The following RELN variants were observed in gnomAD, a reference collection of about 807,000 sequenced individuals.
The protein encoded by RELN is reelin.
In RELN, 108 loss-of-function variants were observed where a neutral mutation model predicts 427.6. The ratio of observed to expected loss-of-function variants is 0.25; its 90% confidence interval spans 0.22 to 0.30. The LOEUF is 0.30. RELN is among the 10% of genes least tolerant of loss of function. The pLI, the probability that RELN is intolerant of heterozygous loss-of-function variation, is 1.00. For missense variants in RELN, 3,715 were observed against 4,302.8 expected, an observed-to-expected ratio of 0.86 and a Z score of 3.82; for synonymous variants, 1,524 against 1,513.4, an observed-to-expected ratio of 1.01 and a Z score of -0.16.
chr7:103,989,356 T>TGCTGCC lies in RELN; in HGVS notation c.-1_1insGGCAGC. The TGCTGCC allele has an allele frequency of 7.1e-7, 1 of 1,407,848 alleles. No individual in the cohort carries two copies. Among genetic ancestry groups the TGCTGCC allele is most frequent in the South Asian group, 1.6e-5 (1 of 60,992 alleles). 87.2% of individuals were successfully genotyped at this position (1,407,848 alleles called of 1,614,324 possible). A position where few individuals can be genotyped will look rare whatever the true frequency, so the allele number is the denominator to read the frequency against. On this transcript the variant is annotated 5_prime_UTR_variant, in exon 1 of 65. Coordinates refer to ENST00000428762, the MANE Select transcript of RELN (RefSeq NM_005045.4). This position sits in a 1 kb window ranked among gnomAD's most constrained non-coding sequence, Gnocchi z 4.9. ...TGCCGGGCCCAGCCACTGCGCTCCATGCCGCCGCCGCCGCCGCCGCCGCCG... is the reference window on the plus strand; with the variant it reads ...TGCCGGGCCCAGCCACTGCGCTCCATGCTGCCGCCGCCGCCGCCGCCGCCGCCGCCG...
intron 6 of RELN, among the ~76,000 whole-genome samples, chr7:103,736,321 A>G (rs1413089753): frequency 6.6e-6 from 1 of 152,258 alleles, no homozygotes; most frequent in South Asian, 2.1e-4. Flanking sequence ...CAAGAAATGA[A>G]AGATCAAGCT....
intron 24 of RELN, among the ~76,000 whole-genome samples, chr7:103,597,589 T>A (rs1562913518): frequency 6.6e-6 from 1 of 151,952 alleles, no homozygotes; most frequent in Non-Finnish European, 1.5e-5. Flanking sequence ...GTGACAAGAG[T>A]GAGACTCTGT....
intron 2 of RELN, among the ~76,000 whole-genome samples, chr7:103,892,106 C>T (rs1308881149): frequency 6.6e-6 from 1 of 152,164 alleles, no homozygotes; most frequent in Non-Finnish European, 1.5e-5. Flanking sequence ...ACTCATATTC[C>T]AAATGATGTA....
intron 17 of RELN, among the ~76,000 whole-genome samples, chr7:103,638,016 G>T (rs1019828911): frequency 6.6e-6 from 1 of 151,948 alleles, no homozygotes; most frequent in African/African-American, 2.4e-5. Flanking sequence ...TTAATCAAAG[G>T]TTATTCAGTT....
Position 103,515,279 on chromosome 7 carries a change from G to C in RELN, c.8025C>G (p.Ser2675Arg). ...DQRTVMLDTF[S>R]SAPVPQHERS... ...GCTCATGCTGGGGTACTGGGGCGCT[G>C]CTGAAGGTGTCCAGCATAACGGTCC... The change falls in exon 50 of 65, where the codon AGC becomes AGG. Residue 2675 changes from serine to arginine, a missense_variant. Ser to Arg is a moderately radical substitution (Grantham distance 110). Transcript: ENST00000428762. The C allele has an allele frequency of 6.2e-7, 1 of 1,614,190 alleles. No homozygotes were observed. Among genetic ancestry groups the C allele is most frequent in the East Asian group, 2.2e-5 (1 of 44,880 alleles).
intron 2 of RELN, among the ~76,000 whole-genome samples, chr7:103,908,501 G>A (rs1271194513): frequency 6.6e-6 from 1 of 152,070 alleles, no homozygotes; most frequent in Non-Finnish European, 1.5e-5. Context: ...AACCTGAGCT[G>A]CCTAACTCCT....
At chr7:103,518,007 T>C (rs1014680266) in intron 49 of RELN, among the ~76,000 whole-genome samples, 19 of 152,158 alleles carry the variant, frequency 1.2e-4, no homozygotes, top group African/African-American at 4.6e-4. Flanking sequence ...CTATGGACTG[T>C]AAAGTTGGGG....
intron 3 of RELN, among the ~76,000 whole-genome samples, chr7:103,787,548 A>G (rs1218226849): frequency 1.3e-5 from 2 of 152,238 alleles, no homozygotes; most frequent in African/African-American, 4.8e-5. Flanking sequence ...AGAGAATATG[A>G]TTAACACCTC....
At chr7:103,933,014 A>G (rs1197331440) in intron 1 of RELN, among the ~76,000 whole-genome samples, 1 of 152,182 alleles carries the variant, frequency 6.6e-6, no homozygotes. Context: ...ATGTGCAACA[A>G]CTGCCCCTCT....
intron 2 of RELN, among the ~76,000 whole-genome samples, chr7:103,844,418 C>T (rs557674187): frequency 6.6e-6 from 1 of 152,300 alleles, no homozygotes; most frequent in African/African-American, 2.4e-5. Flanking sequence ...AGAGAAGATT[C>T]TGGACAAACT....
In RELN at chr7:103,953,931, CA is replaced by C. The variant is rs1396330189; in HGVS notation, c.226+35199del. ...TGTGCGGCAGAGCAAGACTCCATCT[CA>C]AAAAAACAAAACAAACAACAATAAC... On this transcript the variant is annotated intron_variant, in intron 1 of 64. Coordinates refer to ENST00000428762, the MANE Select transcript of RELN (RefSeq NM_005045.4). This position sits in a 1 kb window ranked among gnomAD's most constrained non-coding sequence, Gnocchi z 4.3. Among the ~76,000 whole-genome samples the C allele has an allele frequency of 6.6e-6, 1 of 151,504 alleles. No homozygotes were observed. Among genetic ancestry groups the C allele is most frequent in the Non-Finnish European group, 1.5e-5 (1 of 67,880 alleles).
At chr7:103,534,655 T>C (rs559037412) in intron 46 of RELN, among the ~76,000 whole-genome samples, 13 of 152,108 alleles carry the variant, frequency 8.5e-5, no homozygotes, top group African/African-American at 2.9e-4. Context: ...GCCTGGCTAA[T>C]TTTTTAATTT....
In RELN at chr7:103,574,304, A is replaced by T. The variant is rs1830948893; in HGVS notation, c.4304-5T>A. On this transcript the variant is annotated splice_polypyrimidine_tract_variant and splice_region_variant and intron_variant, in intron 29 of 64. Coordinates refer to ENST00000428762, the MANE Select transcript of RELN (RefSeq NM_005045.4). Reference sequence around the variant, plus strand: ...ACACACAGGTTCCTTGTGCAGCTTCAGAAAAAGAAATAGAGAGGAGAGATG... The same window carrying T: ...ACACACAGGTTCCTTGTGCAGCTTCTGAAAAAGAAATAGAGAGGAGAGATG... 4.3e-6 allele frequency: 7 copies of T among 1,612,766 alleles called. No individual in the cohort carries two copies. The highest frequency in any genetic ancestry group is 5.9e-6 in the Non-Finnish European group (7 of 1,178,768).
intron 38 of RELN, among the ~76,000 whole-genome samples, chr7:103,555,949 T>G (rs1830511724): frequency 6.6e-6 from 1 of 152,246 alleles, no homozygotes; most frequent in African/African-American, 2.4e-5. Flanking sequence ...CTGCAAAGAA[T>G]CTGCTGCTTA....
At chr7:103,754,933 G>A (rs1791096348) in intron 4 of RELN, among the ~76,000 whole-genome samples, 1 of 151,744 alleles carries the variant, frequency 6.6e-6, no homozygotes, top group Non-Finnish European at 1.5e-5. Context: ...TTGAAGGAGA[G>A]GCCAAAATAA....
intron 10 of RELN, among the ~76,000 whole-genome samples, chr7:103,690,465 G>A (rs1833851162): frequency 1.3e-5 from 2 of 152,104 alleles, no homozygotes; most frequent in Non-Finnish European, 2.9e-5. Context: ...CCCTGCCATG[G>A]CAGGAACAGC....
intron 1 of RELN, among the ~76,000 whole-genome samples, chr7:103,945,484 G>A (rs185636783): frequency 6.6e-6 from 1 of 152,214 alleles, no homozygotes; most frequent in Non-Finnish European, 1.5e-5. Flanking sequence ...CGAGCCTTCA[G>A]GCCTTCATGT....
chr7:103,495,579 A>G, intron 57 of RELN, 144 bp downstream of exon 57: 1 of 800,302 alleles, frequency 1.2e-6, no homozygotes, highest in Non-Finnish European at 2.1e-6. Flanking sequence ...GGTCTTTGCA[A>G]AAGATGACCT....
chr7:103,664,702 C>A (rs1833219273), intron 11 of RELN, among the ~76,000 whole-genome samples: 1 of 152,102 alleles, frequency 6.6e-6, no homozygotes, highest in African/African-American at 2.4e-5. Context: ...TTTATCTCAA[C>A]TTTGCATTTA....
Sources: allele counts gnomAD v4.1 joint callset (sites outside exome capture counted in the v4.1 genomes callset), GRCh38; gene constraint gnomAD v4.1.1; non-coding constraint Gnocchi (gnomAD v3.1); transcripts MANE v1.5; gene names NCBI Gene and HGNC (gene_info 2026-07-23, HGNC 2026-07-21).